ULK4: variants seen among roughly 807,000 people sequenced by gnomAD.
ULK4 encodes the protein inactive serine/threonine-protein kinase ULK4.
Under a neutral mutation model 160.6 loss-of-function variants are expected in ULK4, and 133 were observed. That is an observed-to-expected ratio of 0.83 (90% CI 0.72 to 0.96). ULK4 has a LOEUF of 0.96. ULK4 is among the 40% of genes least tolerant of loss of function. The pLI is 0.00. For synonymous variants in ULK4, 534 were observed against 539.8 expected, an observed-to-expected ratio of 0.99 and a Z score of 0.15; for missense variants, 1,580 against 1,499.5, an observed-to-expected ratio of 1.05 and a Z score of -0.89.
At chr3:41,502,202 G>A (rs954545820) in intron 32 of ULK4, among the ~76,000 whole-genome samples, 4 of 152,114 alleles carry the variant, frequency 2.6e-5, no homozygotes, top group African/African-American at 9.7e-5. Flanking sequence ...CATTTCCGTT[G>A]GATATATTCC....
At chr3:41,931,818 T>A in intron 5 of ULK4, 26 bp downstream of exon 5, 2 of 1,613,264 alleles carry the variant, frequency 1.2e-6, no homozygotes, top group East Asian at 2.2e-5. Flanking sequence ...AGAGTTATGA[T>A]CTTTAAGCTT....
chr3:41,486,271 A>G (rs1346633028), intron 32 of ULK4, among the ~76,000 whole-genome samples: 2 of 152,226 alleles, frequency 1.3e-5, no homozygotes, highest in Non-Finnish European at 1.5e-5. Flanking sequence ...TAGGTATTCA[A>G]GAAACATGTG....
intron 19 of ULK4, among the ~76,000 whole-genome samples, chr3:41,800,898 C>A (rs1258338093): frequency 1.3e-5 from 2 of 152,064 alleles, no homozygotes; most frequent in Non-Finnish European, 2.9e-5. Flanking sequence ...TAAATGAGTC[C>A]AAGGAAAAGC....
chr3:41,822,287 G>A (rs775614788), intron 18 of ULK4, among the ~76,000 whole-genome samples: 2 of 152,020 alleles, frequency 1.3e-5, no homozygotes, highest in Non-Finnish European at 2.9e-5. Context: ...AAGCACCTAC[G>A]GTGCACCAGA....
chr3:41,609,532 C>CA (rs1473913012), intron 31 of ULK4, among the ~76,000 whole-genome samples: 1 of 152,140 alleles, frequency 6.6e-6, no homozygotes, highest in Non-Finnish European at 1.5e-5. Flanking sequence ...TTGTATACAA[C>CA]AAAAAATTGT....
chr3:41,402,066 G>A (rs1402455711), intron 34 of ULK4, among the ~76,000 whole-genome samples: 1 of 152,056 alleles, frequency 6.6e-6, no homozygotes, highest in Non-Finnish European at 1.5e-5. Context: ...CCATGGTCAC[G>A]TCATACTCTT....
intron 32 of ULK4, among the ~76,000 whole-genome samples, chr3:41,532,930 T>A (rs935333034): frequency 1.3e-5 from 2 of 152,202 alleles, no homozygotes; most frequent in African/African-American, 2.4e-5. Context: ...CTTGAACCAA[T>A]ATGGCTTAGT....
chr3:41,474,821 TA>T (rs34840621), intron 32 of ULK4, among the ~76,000 whole-genome samples: 133 of 140,786 alleles, frequency 9.4e-4, no homozygotes, highest in Non-Finnish European at 1.5e-3. Context: ...TGATTATTAT[TA>T]AAAAAAAAAA....
At position 41,498,567 on chromosome 3, in the gene ULK4, C is replaced by CT. The variant is rs1181869158; in HGVS notation, c.3227-35315dup. 1.6e-4 allele frequency among the ~76,000 whole-genome samples: 7 copies of CT among 42,496 alleles called. No homozygotes were observed. In the Admixed American group the frequency reaches 2.4e-3, roughly 15 times the overall value. 27.9% of individuals were successfully genotyped at this position (42,496 alleles called of 152,430 possible). On this transcript the variant is annotated intron_variant, in intron 32 of 36. Coordinates refer to ENST00000301831, the MANE Select transcript of ULK4 (RefSeq NM_017886.4). The stretch of plus-strand genomic sequence containing the variant: ...ACAGACAAACATTAGAGAGCTTCTT[C>CT]TTTTTTTTCTTTTTTTTTTTTTTGC...
intron 34 of ULK4, among the ~76,000 whole-genome samples, chr3:41,414,003 G>A (rs184649129): frequency 1.5e-3 from 226 of 152,274 alleles, no homozygotes; most frequent in Non-Finnish European, 2.5e-3. Flanking sequence ...TCAGGAGTTC[G>A]AGACCAGCCT....
At chr3:41,845,307 A>T (rs1331597198) in intron 17 of ULK4, among the ~76,000 whole-genome samples, 1 of 152,214 alleles carries the variant, frequency 6.6e-6, no homozygotes, top group Non-Finnish European at 1.5e-5. Flanking sequence ...ATAAACTGTG[A>T]TTCAACCACA....
At chr3:41,630,389 T>C (rs1402634447) in intron 30 of ULK4, among the ~76,000 whole-genome samples, 2 of 152,270 alleles carry the variant, frequency 1.3e-5, no homozygotes. Context: ...GGGATCTCTC[T>C]CAGCTCGTAG....
At chr3:41,890,615 G>T (rs969434821) in intron 16 of ULK4, among the ~76,000 whole-genome samples, 7 of 150,798 alleles carry the variant, frequency 4.6e-5, no homozygotes, top group Non-Finnish European at 8.9e-5. Flanking sequence ...GGAGGTGGAG[G>T]TTGCAGTGAG....
intron 5 of ULK4, among the ~76,000 whole-genome samples, chr3:41,924,570 A>G (rs914971860): frequency 1.3e-5 from 2 of 152,202 alleles, no homozygotes; most frequent in Non-Finnish European, 2.9e-5. Context: ...GAAATATACC[A>G]TTGACCTTGT....
intron 17 of ULK4, among the ~76,000 whole-genome samples, chr3:41,850,683 C>A (rs1031675167): frequency 9.9e-5 from 15 of 151,614 alleles, no homozygotes; most frequent in South Asian, 4.2e-4. Flanking sequence ...AATTTGTTTG[C>A]GTTCATTGTA....
At position 41,397,244 on chromosome 3, in the gene ULK4, A is replaced by G. The variant is rs752101932; in HGVS notation, c.3678+835T>C. Among the ~76,000 whole-genome samples, 111 of 152,170 alleles carry G rather than the reference A, an allele frequency of 7.3e-4. 1 individual carries two copies. Among genetic ancestry groups the G allele is most frequent in the Non-Finnish European group, 1.4e-3 (96 of 68,008 alleles). On this transcript the variant is annotated intron_variant, in intron 35 of 36. Transcript: ENST00000301831. Reference sequence around the variant, plus strand: ...GAATAGGTTTTCAAAAGCACTTTCAAATAGACGTCAGCTATATATGCATTT... The same window carrying G: ...GAATAGGTTTTCAAAAGCACTTTCAGATAGACGTCAGCTATATATGCATTT...
intron 17 of ULK4, among the ~76,000 whole-genome samples, chr3:41,838,296 T>C (rs926532699): frequency 6.6e-6 from 1 of 152,204 alleles, no homozygotes; most frequent in Non-Finnish European, 1.5e-5. Flanking sequence ...GCAAAAATTG[T>C]AAAAATGTCT....
chr3:41,553,629 T>G (rs1795368), intron 32 of ULK4, among the ~76,000 whole-genome samples: 1 of 151,882 alleles, frequency 6.6e-6, no homozygotes, highest in Non-Finnish European at 1.5e-5. Flanking sequence ...GGAACTCTTA[T>G]ACACTGTTGT....
intron 32 of ULK4, among the ~76,000 whole-genome samples, chr3:41,480,580 T>C (rs542971264): frequency 6.6e-6 from 1 of 152,338 alleles, no homozygotes; most frequent in South Asian, 2.1e-4. Context: ...ATATCTTCTC[T>C]TCCTTATGAT....
Sources: gnomAD v4.1 joint callset for allele counts (sites outside exome capture counted in the v4.1 genomes callset) on GRCh38, gnomAD v4.1.1 for gene constraint, MANE v1.5 for transcripts, NCBI Gene and HGNC (gene_info 2026-07-23, HGNC 2026-07-21) for gene names.